The following CAMKMT variants were observed in gnomAD, a reference collection of about 807,000 sequenced individuals.
The protein encoded by CAMKMT is CaM KMT.
CAMKMT carries 53 observed loss-of-function variants against 48.0 expected under a neutral mutation model. The ratio of observed to expected loss-of-function variants is 1.10; its 90% CI spans 0.89 to 1.39. The LOEUF (loss-of-function observed/expected upper bound fraction) is 1.39, where lower values mean the gene tolerates loss of function less well. Ranked by LOEUF, CAMKMT falls within the 40% of genes most tolerant of loss-of-function variation. The pLI is 0.00. For synonymous variants in CAMKMT, 165 were observed against 152.3 expected (o/e 1.08, Z -0.61); for missense variants, 428 against 402.7 (o/e 1.06, Z -0.54).
At chr2:44,473,131 C>T (rs1457073650) in intron 3 of CAMKMT, among the ~76,000 whole-genome samples, 2 of 152,034 alleles carry the variant, frequency 1.3e-5, no homozygotes, top group East Asian at 1.9e-4. Flanking sequence ...GCTGAACTGC[C>T]AAATGGTATG....
intron 7 of CAMKMT, among the ~76,000 whole-genome samples, chr2:44,741,171 A>G (rs1309429529): frequency 6.6e-6 from 1 of 152,184 alleles, no homozygotes; most frequent in East Asian, 1.9e-4. Flanking sequence ...TTTTGTGACT[A>G]TATTTTACAA....
chr2:44,439,518 T>G (rs1018025391), intron 3 of CAMKMT, among the ~76,000 whole-genome samples: 7 of 152,084 alleles, frequency 4.6e-5, no homozygotes, highest in Non-Finnish European at 7.4e-5. Context: ...TCCCCTCACA[T>G]TCTTTCTGCT....
chr2:44,406,491 T>G (rs367676943), intron 3 of CAMKMT, among the ~76,000 whole-genome samples: 1 of 151,244 alleles, frequency 6.6e-6, no homozygotes, highest in Non-Finnish European at 1.5e-5. Flanking sequence ...CCCAGTGTCT[T>G]TGTGTGTGTG....
chr2:44,629,065 C>G (rs1672659315), intron 3 of CAMKMT, among the ~76,000 whole-genome samples: 1 of 152,098 alleles, frequency 6.6e-6, no homozygotes, highest in Non-Finnish European at 1.5e-5. Context: ...ATTCTACATC[C>G]TTACTCATTT....
chr2:44,597,549 A>T (rs913955404), intron 3 of CAMKMT, among the ~76,000 whole-genome samples: 5 of 152,080 alleles, frequency 3.3e-5, no homozygotes, highest in Non-Finnish European at 7.4e-5. Context: ...GAGGTTCTTA[A>T]CCCTTGCTGT....
chr2:44,375,290 A>C (rs149858874), intron 2 of CAMKMT, among the ~76,000 whole-genome samples: 1 of 151,858 alleles, frequency 6.6e-6, no homozygotes, highest in African/African-American at 2.4e-5. Flanking sequence ...AGTTTGTTTA[A>C]TCAGCAGTAA....
At chr2:44,598,492 C>T (rs1226891593) in intron 3 of CAMKMT, among the ~76,000 whole-genome samples, 2 of 151,550 alleles carry the variant, frequency 1.3e-5, no homozygotes, top group Non-Finnish European at 2.9e-5. Flanking sequence ...TCCATTACTT[C>T]CTGCTGGAAT....
intron 3 of CAMKMT, among the ~76,000 whole-genome samples, chr2:44,517,141 T>A (rs1207522153): frequency 6.6e-6 from 1 of 152,160 alleles, no homozygotes; most frequent in Non-Finnish European, 1.5e-5. Flanking sequence ...TGATTAATAT[T>A]TCCTTTTAAA....
chr2:44,698,142 A>C (rs1677060499), intron 3 of CAMKMT, among the ~76,000 whole-genome samples: 1 of 152,238 alleles, frequency 6.6e-6, no homozygotes, highest in Non-Finnish European at 1.5e-5. Flanking sequence ...CATACAATTC[A>C]TCCAGTGGTA....
intron 3 of CAMKMT, among the ~76,000 whole-genome samples, chr2:44,660,622 G>A (rs1251082090): frequency 6.6e-6 from 1 of 152,056 alleles, no homozygotes. Flanking sequence ...ATATTTTTTT[G>A]TTTGTTTGTT....
At chr2:44,663,383 G>A (rs1031682056) in intron 3 of CAMKMT, among the ~76,000 whole-genome samples, 13 of 152,100 alleles carry the variant, frequency 8.5e-5, no homozygotes, top group African/African-American at 2.4e-4. Context: ...TCATTGATTC[G>A]CAAACATTCC....
intron 3 of CAMKMT, among the ~76,000 whole-genome samples, chr2:44,536,815 C>G (rs11898299): frequency 6.6e-6 from 1 of 151,942 alleles, no homozygotes; most frequent in African/African-American, 2.4e-5. Flanking sequence ...TAAAAATTGA[C>G]GTATAGACCA....
chr2:44,735,293 C>T (rs1034366581), intron 7 of CAMKMT, among the ~76,000 whole-genome samples: 1 of 152,122 alleles, frequency 6.6e-6, no homozygotes, highest in Non-Finnish European at 1.5e-5. Flanking sequence ...GCTGTTTTGT[C>T]CAGTCTGACA....
At chr2:44,389,660 A>G (rs1681130855) in intron 2 of CAMKMT, among the ~76,000 whole-genome samples, 1 of 152,200 alleles carries the variant, frequency 6.6e-6, no homozygotes, top group Non-Finnish European at 1.5e-5. Context: ...ATAAAATATC[A>G]GTGTCAAGTC....
chr2:44,401,860 C>T (rs1303637699), intron 3 of CAMKMT, among the ~76,000 whole-genome samples: 6 of 152,194 alleles, frequency 3.9e-5, no homozygotes, highest in South Asian at 4.1e-4. Context: ...CATCTTCCCT[C>T]ACTATCATCT....
rs1668227492 is a variant in CAMKMT, at chr2:44,559,820, A to G, written c.377-144463A>G. Among the ~76,000 whole-genome samples the G allele has an allele frequency of 3.9e-5, 6 of 152,344 alleles. No individual in the cohort carries two copies. The South Asian group carries it at 1.2e-3, about 32-fold the overall frequency. On this transcript the variant is annotated intron_variant, in intron 3 of 10. Transcript: ENST00000378494. The stretch of plus-strand genomic sequence containing the variant: ...AATCAAGTTTTTTATTTGAACTGCT[A>G]GCAAACTAGGTCTTGTCCAATTTGT...
intron 3 of CAMKMT, among the ~76,000 whole-genome samples, chr2:44,607,381 G>A (rs1671344865): frequency 1.3e-5 from 2 of 152,106 alleles, no homozygotes; most frequent in Admixed American, 6.5e-5. Context: ...GTATATGAAT[G>A]TCTAAAAAGT....
chr2:44,750,485 G>T (rs1471128086), intron 8 of CAMKMT, among the ~76,000 whole-genome samples: 1 of 152,080 alleles, frequency 6.6e-6, no homozygotes, highest in Admixed American at 6.6e-5. Context: ...AAAAGACATC[G>T]TTGTCAATTT....
chr2:44,702,885 C>G (rs1210416559), intron 3 of CAMKMT, among the ~76,000 whole-genome samples: 1 of 152,116 alleles, frequency 6.6e-6, no homozygotes, highest in Non-Finnish European at 1.5e-5. Context: ...TCTTTAACAC[C>G]CTCTTCTCTG....
Sources: gnomAD v4.1 joint callset for allele counts (sites outside exome capture counted in the v4.1 genomes callset) on GRCh38, gnomAD v4.1.1 for gene constraint, MANE v1.5 for transcripts, NCBI Gene and HGNC (gene_info 2026-07-23, HGNC 2026-07-21) for gene names.